The following PSD3 variants were observed in gnomAD, a reference collection of about 807,000 sequenced individuals.
The protein encoded by PSD3 is pleckstrin and Sec7 domain containing 3, also known as PH and SEC7 domain-containing protein 3.
A neutral mutation model predicts 105.5 loss-of-function variants in PSD3; 49 were observed. The observed-to-expected ratio is 0.46, with a 90% CI of 0.37 to 0.59. The LOEUF (loss-of-function observed/expected upper bound fraction) is 0.59. PSD3 is among the 20% of genes least tolerant of loss of function. PSD3 has a pLI of 0.00. For synonymous variants in PSD3, 557 were observed against 457.8 expected (o/e 1.22, Z -2.77); for missense variants, 1,561 against 1,263.8 (o/e 1.24, Z -3.57).
At chr8:18,621,234 C>T (rs764234932) in intron 11 of PSD3, among the ~76,000 whole-genome samples, 13 of 152,118 alleles carry the variant, frequency 8.5e-5, no homozygotes, top group Non-Finnish European at 1.8e-4. Flanking sequence ...ACAGCAAAAC[C>T]GCTTCTCTAC....
intron 12 of PSD3, among the ~76,000 whole-genome samples, chr8:18,599,117 G>A (rs571720653): frequency 6.6e-6 from 1 of 152,068 alleles, no homozygotes; most frequent in South Asian, 2.1e-4. Context: ...TACTGAAAAA[G>A]AAGAACAAAG....
In PSD3 at chr8:18,872,477, C is replaced by T. The variant is rs1817448214; in HGVS notation, c.387G>A (p.Gln129=). The T allele has an allele frequency of 3.1e-6, 5 of 1,614,152 alleles. No individual in the cohort carries two copies. Among genetic ancestry groups the T allele is most frequent in the Non-Finnish European group, 4.2e-6 (5 of 1,180,022 alleles). The change falls in exon 3 of 16, where the codon CAG becomes CAA. Residue 129 remains glutamine (Q), a synonymous_variant. Coordinates refer to ENST00000327040, the MANE Select transcript of PSD3 (RefSeq NM_015310.4). The stretch of plus-strand genomic sequence containing the variant: ...GAGCTGAAATCAAAGAGTCAATGGG[C>T]TGTAAACTTTGTTCCTTGAGATGAC... ...SQSHLKEQSL[Q]PIDSLISALK...
intron 9 of PSD3, among the ~76,000 whole-genome samples, chr8:18,728,773 T>G (rs1451247242): frequency 6.6e-6 from 1 of 152,102 alleles, no homozygotes; most frequent in African/African-American, 2.4e-5. Context: ...CAAAACATGT[T>G]GTACATGACA....
intron 11 of PSD3, among the ~76,000 whole-genome samples, chr8:18,630,826 C>T (rs1256117918): frequency 6.6e-6 from 1 of 151,684 alleles, no homozygotes; most frequent in Non-Finnish European, 1.5e-5. Context: ...GTCATTATTC[C>T]CCAAAGAATA....
At chr8:18,704,461 C>T (rs1801772893) in intron 9 of PSD3, among the ~76,000 whole-genome samples, 1 of 152,148 alleles carries the variant, frequency 6.6e-6, no homozygotes, top group Non-Finnish European at 1.5e-5. Context: ...TCTCACCCTC[C>T]CCAGTAGCTA....
chr8:18,980,819 C>G (rs950186120), intron 1 of PSD3, among the ~76,000 whole-genome samples: 3 of 152,062 alleles, frequency 2.0e-5, no homozygotes, highest in African/African-American at 7.2e-5. Flanking sequence ...CTATTTACAC[C>G]CTTCACCATC....
At chr8:19,013,886 G>A (rs1275713772), upstream of PSD3, among the ~76,000 whole-genome samples, 2 of 150,172 alleles carry the variant, frequency 1.3e-5, no homozygotes, top group African/African-American at 4.9e-5. Flanking sequence ...GAGGGGGGAG[G>A]TGGCTGGGCC....
In PSD3 at chr8:18,865,268, ATATATATATATATATATATTTTTTTTTT is replaced by A. The variant is rs1816813902; in HGVS notation, c.1634+2378_1634+2405del. On this transcript the variant is annotated intron_variant, in intron 4 of 15. Transcript: ENST00000327040. ...TATATATATATATATATATATATAT[ATATATATATATATATATATTTTTTTTTT>A]TTTTTTTTTTTTTAAAGGCTATCTG... is the stretch of plus-strand genomic sequence containing the variant. 9 of 2,652 alleles carry A rather than the reference ATATATATATATATATATATTTTTTTTTT, an allele frequency of 3.4e-3. 1 individual carries two copies. Among genetic ancestry groups the A allele is most frequent in the African/African-American group, 6.1e-3 (4 of 654 alleles). The allele number at this position is 2,652 out of a possible 1,614,324, so 0.2% of individuals were successfully genotyped here.
At chr8:18,575,863 C>G (rs1005315236) in intron 12 of PSD3, among the ~76,000 whole-genome samples, 2 of 151,630 alleles carry the variant, frequency 1.3e-5, no homozygotes, top group African/African-American at 4.9e-5. Flanking sequence ...AATCAATAAT[C>G]AGGTGAAAGC....
chr8:18,873,207 A>C (rs1305669305), intron 2 of PSD3, among the ~76,000 whole-genome samples: 1 of 152,200 alleles, frequency 6.6e-6, no homozygotes, highest in Non-Finnish European at 1.5e-5. Flanking sequence ...CTTATGATCT[A>C]TTTAAACTCA....
At chr8:18,572,770 A>G (rs1223536974) in intron 13 of PSD3, 98 bp from the exon 14 acceptor site, 5 of 1,332,514 alleles carry the variant, frequency 3.8e-6, no homozygotes, top group African/African-American at 1.5e-5. Context: ...GGCATGTGAA[A>G]ATCATTTACT....
At chr8:18,689,990 T>C (rs1206117744) in intron 9 of PSD3, among the ~76,000 whole-genome samples, 1 of 152,174 alleles carries the variant, frequency 6.6e-6, no homozygotes, top group Non-Finnish European at 1.5e-5. Context: ...ATTACCAATA[T>C]TGAGGTTTCT....
intron 7 of PSD3, chr8:18,800,869 T>C (rs1239771015): frequency 6.4e-6 from 1 of 155,066 alleles, no homozygotes; most frequent in Admixed American, 6.4e-5. Context: ...ACCAAATGTA[T>C]AAGAAATAAG....
At chr8:18,759,092 A>ACACACACACACACACACACT in intron 9 of PSD3, among the ~76,000 whole-genome samples, 1 of 143,954 alleles carries the variant, frequency 6.9e-6, no homozygotes, top group East Asian at 2.1e-4. Flanking sequence ...ACACACACAC[A>ACACACACACACACACACACT]CTCTCTCTCT....
intron 10 of PSD3, among the ~76,000 whole-genome samples, chr8:18,637,514 C>T (rs973291247): frequency 2.0e-5 from 3 of 152,162 alleles, no homozygotes; most frequent in African/African-American, 7.2e-5. Context: ...ACTTCCATCC[C>T]TATAGTTCTG....
At chr8:18,711,267 G>C (rs1315857536) in intron 9 of PSD3, among the ~76,000 whole-genome samples, 1 of 152,146 alleles carries the variant, frequency 6.6e-6, no homozygotes, top group Non-Finnish European at 1.5e-5. Context: ...CATGATGACA[G>C]GATCAAATTC....
chr8:18,955,482 T>C (rs2129470490), intron 1 of PSD3, among the ~76,000 whole-genome samples: 1 of 152,356 alleles, frequency 6.6e-6, no homozygotes, highest in Admixed American at 6.5e-5. Flanking sequence ...CTTGGCTATA[T>C]AAAAGTTTAT....
At chr8:19,064,709 T>A (rs2129477708) in intron 1 of PSD3, among the ~76,000 whole-genome samples, 1 of 152,340 alleles carries the variant, frequency 6.6e-6, no homozygotes, top group Admixed American at 6.5e-5. Context: ...CCACTCAGCA[T>A]TCTAGTATTG....
chr8:18,899,550 TTATGACCCCCTGATGTA>T (rs1475085020), intron 2 of PSD3, among the ~76,000 whole-genome samples: 1 of 152,110 alleles, frequency 6.6e-6, no homozygotes, highest in Non-Finnish European at 1.5e-5. Context: ...TTAATGGTCC[TTATGACCCCCTGATGTA>T]GAAGCTGAAT....
Sources: allele counts gnomAD v4.1 joint callset (sites outside exome capture counted in the v4.1 genomes callset), GRCh38; gene constraint gnomAD v4.1.1; transcripts MANE v1.5; gene names NCBI Gene and HGNC (gene_info 2026-07-23, HGNC 2026-07-21).